VEPH1: variants seen among roughly 807,000 people sequenced by gnomAD.
The protein encoded by VEPH1 is ventricular zone expressed PH domain containing 1, also known as ventricular zone-expressed PH domain-containing protein homolog 1.
In VEPH1, 80 loss-of-function variants were observed where a neutral mutation model predicts 85.2. The observed-to-expected ratio is 0.94, with a 90% CI of 0.78 to 1.13. The LOEUF is 1.13. Ranked by LOEUF, VEPH1 falls within the 50% of genes most tolerant of loss-of-function variation. The pLI, the probability that VEPH1 is intolerant of heterozygous loss-of-function variation, is 0.00. For synonymous variants in VEPH1, 297 were observed against 348.0 expected (o/e 0.85, Z 1.63); for missense variants, 955 against 980.5 (o/e 0.97, Z 0.35).
chr3:157,320,605 T>C (rs1362359744), intron 9 of VEPH1, among the ~76,000 whole-genome samples: 1 of 152,178 alleles, frequency 6.6e-6, no homozygotes, highest in Non-Finnish European at 1.5e-5. Context: ...TAGAATGCTT[T>C]CCATATTCAA....
chr3:157,369,782 G>A (rs1727281984), intron 7 of VEPH1, among the ~76,000 whole-genome samples: 2 of 152,208 alleles, frequency 1.3e-5, no homozygotes, highest in South Asian at 2.1e-4. Context: ...TCGAAACAAA[G>A]TTTTTGAACA....
intron 4 of VEPH1, chr3:157,437,817 G>A: frequency 6.8e-7 from 1 of 1,463,704 alleles, no homozygotes; most frequent in Non-Finnish European, 8.9e-7. Flanking sequence ...CAGAGGAGGC[G>A]GGGCGCGCCC....
At chr3:157,311,149 GC>G (rs1720069290) in intron 11 of VEPH1, among the ~76,000 whole-genome samples, 1 of 152,144 alleles carries the variant, frequency 6.6e-6, no homozygotes, top group African/African-American at 2.4e-5. Context: ...CTGCCCTCAA[GC>G]AGTTTGCAAT....
chr3:157,450,358 GA>G (rs1221581161), intron 4 of VEPH1, among the ~76,000 whole-genome samples: 75 of 152,016 alleles, frequency 4.9e-4, no homozygotes, highest in African/African-American at 1.7e-3. Flanking sequence ...CACCCAGCCA[GA>G]ATATTTAAAT....
chr3:157,500,622 AT>A (rs1390877044), intron 1 of VEPH1, among the ~76,000 whole-genome samples: 1 of 152,232 alleles, frequency 6.6e-6, no homozygotes, highest in Non-Finnish European at 1.5e-5. Flanking sequence ...CTAATTTACA[AT>A]ATACTAATGA....
At chr3:157,299,593 G>T (rs1408409774) in intron 11 of VEPH1, among the ~76,000 whole-genome samples, 1 of 144,660 alleles carries the variant, frequency 6.9e-6, no homozygotes, top group East Asian at 2.0e-4. Context: ...AAGAAAGAAA[G>T]AAACCTTTAT....
At chr3:157,496,047 C>G (rs569450248) in intron 1 of VEPH1, among the ~76,000 whole-genome samples, 5 of 152,166 alleles carry the variant, frequency 3.3e-5, no homozygotes, top group Non-Finnish European at 7.3e-5. Context: ...AGTACTTACC[C>G]TACTCCTACG....
chr3:157,296,268 G>T (rs1202806861), intron 11 of VEPH1, among the ~76,000 whole-genome samples: 1 of 152,212 alleles, frequency 6.6e-6, no homozygotes, highest in African/African-American at 2.4e-5. Flanking sequence ...TCTGTGGCAG[G>T]AATGGATATC....
chr3:157,442,249 T>C (rs1354947650), intron 4 of VEPH1: 26 of 978,572 alleles, frequency 2.7e-5, no homozygotes, highest in Non-Finnish European at 3.8e-5. Context: ...AATGTAGGGT[T>C]TCACATAGCT....
intron 11 of VEPH1, among the ~76,000 whole-genome samples, chr3:157,287,142 G>A (rs1309228169): frequency 3.3e-5 from 5 of 152,146 alleles, no homozygotes; most frequent in Non-Finnish European, 7.3e-5. Flanking sequence ...GGAGGCTGAG[G>A]CAGGCAGATT....
chr3:157,342,266 G>C (rs575250543), intron 9 of VEPH1, among the ~76,000 whole-genome samples: 13 of 152,268 alleles, frequency 8.5e-5, no homozygotes, highest in East Asian at 7.7e-4. Context: ...TCAGTGTGCT[G>C]TATTCAGGAA....
At chr3:157,368,808 A>C (rs534513790) in intron 7 of VEPH1, among the ~76,000 whole-genome samples, 1 of 152,230 alleles carries the variant, frequency 6.6e-6, no homozygotes, top group Non-Finnish European at 1.5e-5. Flanking sequence ...AGTATTTTTA[A>C]GTGTAGGTAT....
intron 7 of VEPH1, among the ~76,000 whole-genome samples, chr3:157,374,940 T>G (rs1037431749): frequency 3.9e-5 from 6 of 152,194 alleles, no homozygotes; most frequent in African/African-American, 1.4e-4. Flanking sequence ...AATTTGAGAT[T>G]CACTGGACTA....
At chr3:157,320,079 A>G (rs1205654843) in intron 9 of VEPH1, among the ~76,000 whole-genome samples, 1 of 152,122 alleles carries the variant, frequency 6.6e-6, no homozygotes, top group African/African-American at 2.4e-5. Flanking sequence ...ATTCCATAGT[A>G]TCAAACAGCA....
chr3:157,436,969 G>A (rs575833727), intron 4 of VEPH1: 2 of 1,613,970 alleles, frequency 1.2e-6, no homozygotes, highest in South Asian at 2.2e-5. Context: ...GTGCTCTCTG[G>A]TCTGCAGTGT....
At chr3:157,264,478 T>C (rs1025003162) in intron 13 of VEPH1, among the ~76,000 whole-genome samples, 9 of 152,250 alleles carry the variant, frequency 5.9e-5, no homozygotes, top group African/African-American at 2.2e-4. Flanking sequence ...TGGTTCCATT[T>C]CTATGGAGAT....
chr3:157,398,803 G>A (rs1397917513), intron 6 of VEPH1, among the ~76,000 whole-genome samples: 1 of 151,314 alleles, frequency 6.6e-6, no homozygotes, highest in Non-Finnish European at 1.5e-5. Context: ...GAGTCATATG[G>A]CCCCAGAGGT....
chr3:157,423,842 T>A (rs1732535268), intron 5 of VEPH1, among the ~76,000 whole-genome samples: 1 of 152,236 alleles, frequency 6.6e-6, no homozygotes, highest in Admixed American at 6.5e-5. Context: ...TGCATATAAC[T>A]ATTCTTTCTT....
chr3:157,477,655 G>A (rs1211984089), intron 2 of VEPH1, among the ~76,000 whole-genome samples: 1 of 152,118 alleles, frequency 6.6e-6, no homozygotes, highest in Non-Finnish European at 1.5e-5. Context: ...AAAACACAAA[G>A]TAGAGAGAAT....
Sources: allele counts gnomAD v4.1 joint callset (sites outside exome capture counted in the v4.1 genomes callset), GRCh38; gene constraint gnomAD v4.1.1; transcripts MANE v1.5; gene names NCBI Gene and HGNC (gene_info 2026-07-23, HGNC 2026-07-21).